The following SHISA9 variants were observed in gnomAD, a reference collection of about 807,000 sequenced individuals.
SHISA9 encodes shisa family member 9, also known as protein shisa-9.
SHISA9 carries 13 observed loss-of-function variants against 38.0 expected under a neutral mutation model. The ratio of observed to expected loss-of-function variants is 0.34; its 90% CI spans 0.22 to 0.54. The LOEUF (loss-of-function observed/expected upper bound fraction) is 0.54, where lower values mean the gene tolerates loss of function less well. SHISA9 is among the 20% of genes least tolerant of loss of function. SHISA9 has a pLI of 0.91. For synonymous variants in SHISA9, 275 were observed against 242.0 expected, an observed-to-expected ratio of 1.14 and a Z score of -1.27; for missense variants, 538 against 575.8, an observed-to-expected ratio of 0.93 and a Z score of 0.67.
the SHISA9 span, among the ~76,000 whole-genome samples, chr16:13,267,034 A>G: frequency 1.3e-5 from 2 of 152,350 alleles, no homozygotes; most frequent in Middle Eastern, 3.4e-3. Flanking sequence ...AGTTGCTGAA[A>G]AAGAGGACTT....
intron 2 of SHISA9, among the ~76,000 whole-genome samples, chr16:12,950,548 C>A (rs8049370): frequency 0.24 from 36,066 of 151,776 alleles, 4,419 homozygotes; most frequent in African/African-American, 0.3. Flanking sequence ...TTAGTACAGC[C>A]GCTGTGGAAA....
the SHISA9 span, among the ~76,000 whole-genome samples, chr16:13,376,423 G>A: frequency 2.6e-5 from 4 of 152,240 alleles, no homozygotes; most frequent in Middle Eastern, 6.8e-3. Context: ...ATGCTTCTCA[G>A]CACATTTACA....
At chr16:13,229,928 G>A (rs371825685) in intron 4 of SHISA9, among the ~76,000 whole-genome samples, 2 of 152,104 alleles carry the variant, frequency 1.3e-5, no homozygotes, top group African/African-American at 2.4e-5. Flanking sequence ...CCAGATAGGG[G>A]ACCTCATTAT....
At chr16:13,160,697 C>A (rs148078963) in intron 2 of SHISA9, among the ~76,000 whole-genome samples, 1 of 152,156 alleles carries the variant, frequency 6.6e-6, no homozygotes, top group African/African-American at 2.4e-5. Flanking sequence ...TTAACACCCC[C>A]CAGGGGCTTA....
chr16:13,064,381 A>T (rs1460158882), intron 2 of SHISA9, among the ~76,000 whole-genome samples: 2 of 152,216 alleles, frequency 1.3e-5, no homozygotes, highest in African/African-American at 4.8e-5. Flanking sequence ...GACAAGAAAG[A>T]ATAGAACACA....
chr16:13,512,768 C>G, the SHISA9 span, among the ~76,000 whole-genome samples: 1 of 152,156 alleles, frequency 6.6e-6, no homozygotes, highest in Non-Finnish European at 1.5e-5. Context: ...AAAGGATTCC[C>G]TATTTAATAA....
intron 2 of SHISA9, among the ~76,000 whole-genome samples, chr16:13,072,062 G>A (rs1031417463): frequency 1.5e-4 from 23 of 152,288 alleles, no homozygotes; most frequent in African/African-American, 3.1e-4. Context: ...TGCAGTGCCC[G>A]GGGACTAAAT....
At chr16:13,334,840 G>A in the SHISA9 span, among the ~76,000 whole-genome samples, 2 of 151,548 alleles carry the variant, frequency 1.3e-5, no homozygotes, top group Non-Finnish European at 2.9e-5. Context: ...CATATTGAGA[G>A]AAATAGGGTC....
chr16:13,205,349 C>G (rs1444302832), intron 3 of SHISA9, among the ~76,000 whole-genome samples: 1 of 152,198 alleles, frequency 6.6e-6, no homozygotes, highest in African/African-American at 2.4e-5. Flanking sequence ...GGGGGAAATT[C>G]CTTTTCTTTC....
chr16:13,446,494 C>T, the SHISA9 span, among the ~76,000 whole-genome samples: 32 of 152,162 alleles, frequency 2.1e-4, no homozygotes, highest in African/African-American at 7.0e-4. Flanking sequence ...GCAGGGTCAG[C>T]AGAGGGGGAA....
At chr16:13,297,752 CT>C in the SHISA9 span, among the ~76,000 whole-genome samples, 97 of 151,578 alleles carry the variant, frequency 6.4e-4, 1 homozygote, top group African/African-American at 2.2e-3. Context: ...TGCGTTCTTT[CT>C]TTTTTTTTCT....
At chr16:12,914,700 A>C in intron 1 of SHISA9, among the ~76,000 whole-genome samples, 1 of 152,014 alleles carries the variant, frequency 6.6e-6, no homozygotes, top group Non-Finnish European at 1.5e-5. Context: ...TCTAGTTCTT[A>C]CCCTATCATT....
At chr16:12,922,396 T>A (rs192101834) in intron 2 of SHISA9, among the ~76,000 whole-genome samples, 110 of 152,382 alleles carry the variant, frequency 7.2e-4, no homozygotes, top group African/African-American at 2.5e-3. Context: ...TACAGCACAC[T>A]GCTCCAGCCC....
chr16:13,446,665 T>C, the SHISA9 span, among the ~76,000 whole-genome samples: 1 of 152,088 alleles, frequency 6.6e-6, no homozygotes, highest in Non-Finnish European at 1.5e-5. Context: ...GTGTTTCTGG[T>C]TGTGGGAGAA....
At chr16:13,540,627 C>T in the SHISA9 span, among the ~76,000 whole-genome samples, 3 of 152,264 alleles carry the variant, frequency 2.0e-5, no homozygotes, top group East Asian at 5.8e-4. Flanking sequence ...AAATACCTGA[C>T]TTGAATCCTT....
At chr16:13,480,458 C>A in the SHISA9 span, among the ~76,000 whole-genome samples, 2 of 152,106 alleles carry the variant, frequency 1.3e-5, no homozygotes, top group Non-Finnish European at 2.9e-5. Context: ...GGAGAGAATG[C>A]ACTCCCCACT....
At chr16:13,010,118 C>T (rs2072652515) in intron 2 of SHISA9, among the ~76,000 whole-genome samples, 1 of 152,060 alleles carries the variant, frequency 6.6e-6, no homozygotes, top group African/African-American at 2.4e-5. Context: ...GTTGAGACTG[C>T]AGTGACCTAT....
chr16:13,061,661 C>T (rs905362630), intron 2 of SHISA9, among the ~76,000 whole-genome samples: 2 of 152,274 alleles, frequency 1.3e-5, no homozygotes, highest in African/African-American at 4.8e-5. Context: ...AGGTATAGCT[C>T]CTGCCCTCTG....
the SHISA9 span, among the ~76,000 whole-genome samples, chr16:13,357,894 T>G: frequency 4.6e-5 from 7 of 152,078 alleles, no homozygotes; most frequent in African/African-American, 9.7e-5. Flanking sequence ...GTTAAGGCAA[T>G]GACCGGCCAT....
Sources: gnomAD v4.1 joint callset for allele counts (sites outside exome capture counted in the v4.1 genomes callset) on GRCh38, gnomAD v4.1.1 for gene constraint, MANE v1.5 for transcripts, NCBI Gene and HGNC (gene_info 2026-07-23, HGNC 2026-07-21) for gene names.